ME3: variants seen among roughly 807,000 people sequenced by gnomAD.
ME3 encodes the protein malic enzyme 3, also known as NADP-dependent malic enzyme, mitochondrial.
A neutral mutation model predicts 68.9 loss-of-function variants in ME3; 48 were observed. The observed-to-expected ratio is 0.70, with a 90% CI of 0.55 to 0.89. ME3 has a LOEUF of 0.89. ME3 is among the 40% of genes least tolerant of loss of function. The pLI, the probability that ME3 is intolerant of heterozygous loss-of-function variation, is 0.00. For missense variants in ME3, 675 were observed against 797.4 expected (o/e 0.85, Z 1.85); for synonymous variants, 320 against 318.8 (o/e 1.00, Z -0.04).
At chr11:86,532,569 A>C (rs960221574) in intron 4 of ME3, among the ~76,000 whole-genome samples, 6 of 152,214 alleles carry the variant, frequency 3.9e-5, no homozygotes, top group African/African-American at 1.4e-4. Context: ...TAACAGGAGG[A>C]ATTTTGGAAA....
At chr11:86,574,399 G>GAGT (rs570327505) in intron 2 of ME3, among the ~76,000 whole-genome samples, 40,723 of 76,946 alleles carry the variant, frequency 0.53, 8,656 homozygotes, top group East Asian at 0.65. Context: ...TTTGTTGCCG[G>GAGT]GGGGGGGGGG....
intron 3 of ME3, among the ~76,000 whole-genome samples, chr11:86,558,913 G>T (rs977767264): frequency 1.3e-5 from 2 of 152,150 alleles, no homozygotes; most frequent in Non-Finnish European, 2.9e-5. Flanking sequence ...GTAGAATATA[G>T]ATTTGAACTC....
chr11:86,518,862 G>C (rs1452616950), intron 4 of ME3, among the ~76,000 whole-genome samples: 1 of 152,172 alleles, frequency 6.6e-6, no homozygotes, highest in Non-Finnish European at 1.5e-5. Context: ...GGAAGAAATA[G>C]CCAAGGGATG....
chr11:86,455,257 C>T (rs1474187202), intron 8 of ME3, among the ~76,000 whole-genome samples: 2 of 152,242 alleles, frequency 1.3e-5, no homozygotes, highest in Non-Finnish European at 2.9e-5. Flanking sequence ...ATGATCCCTG[C>T]CATCAGAGAA....
rs959549391 is a variant in ME3 at position 86,520,530 on chromosome 11, C to T, written c.468-11663G>A. On this transcript the variant is annotated intron_variant, in intron 4 of 14. Transcript: ENST00000543262. ...AGACCAACGAGAATTAGAGAACAAGCGGGCCCAGAATGGCTAATTCACAGA... is the reference window on the plus strand; with the variant it reads ...AGACCAACGAGAATTAGAGAACAAGTGGGCCCAGAATGGCTAATTCACAGA... 1.4e-4 allele frequency among the ~76,000 whole-genome samples: 19 copies of T among 138,558 alleles called. 1 individual carries two copies. The highest frequency in any genetic ancestry group is 4.2e-4 in the African/African-American group (15 of 36,056). The allele number at this position is 138,558 out of a possible 152,430, so 90.9% of individuals were successfully genotyped here. A position where few individuals can be genotyped will look rare whatever the true frequency, so the allele number is the denominator to read the frequency against.
In ME3 at chr11:86,602,509, C is replaced by T. The variant is rs1366983358; in HGVS notation, c.184-42686G>A. The stretch of plus-strand genomic sequence containing the variant: ...GCTCATGGGTAGGAAGAATCAATAT[C>T]GTGAAAATGGCCATACTGCCCAAGG... On this transcript the variant is annotated intron_variant, in intron 2 of 14. Transcript: ENST00000543262. Among the ~76,000 whole-genome samples, 13 of 152,052 alleles carry T rather than the reference C, an allele frequency of 8.5e-5. 1 individual carries two copies. The highest frequency in any genetic ancestry group is 5.8e-4 in the East Asian group (3 of 5,164).
intron 6 of ME3, among the ~76,000 whole-genome samples, chr11:86,494,349 A>C (rs528069495): frequency 2.0e-4 from 31 of 152,232 alleles, no homozygotes; most frequent in Non-Finnish European, 4.3e-4. Flanking sequence ...GGAGCAGTGC[A>C]CCACAGTGGG....
At chr11:86,597,203 G>C (rs1959634115) in intron 2 of ME3, among the ~76,000 whole-genome samples, 2 of 152,248 alleles carry the variant, frequency 1.3e-5, no homozygotes, top group African/African-American at 4.8e-5. Context: ...GCAGGGATGT[G>C]GTCGCAGGGG....
intron 2 of ME3, among the ~76,000 whole-genome samples, chr11:86,592,102 G>A (rs1297520529): frequency 1.3e-5 from 2 of 152,168 alleles, no homozygotes; most frequent in Non-Finnish European, 2.9e-5. Flanking sequence ...TGAGAACTGG[G>A]ACCACATTCT....
chr11:86,542,851 G>A (rs1956132225), intron 4 of ME3, among the ~76,000 whole-genome samples: 1 of 152,126 alleles, frequency 6.6e-6, no homozygotes, highest in Admixed American at 6.5e-5. Flanking sequence ...ACACATAATT[G>A]TCAGATTCAC....
At chr11:86,651,242 A>C (rs1166111665) in intron 2 of ME3, among the ~76,000 whole-genome samples, 1 of 152,226 alleles carries the variant, frequency 6.6e-6, no homozygotes, top group Non-Finnish European at 1.5e-5. Context: ...CTTGGAAGAC[A>C]GTAGTGGTTC....
At chr11:86,648,276 T>G (rs1166423200) in intron 2 of ME3, among the ~76,000 whole-genome samples, 1 of 152,150 alleles carries the variant, frequency 6.6e-6, no homozygotes, top group Non-Finnish European at 1.5e-5. Context: ...GAGGGGAGTT[T>G]ACAGAACAAA....
chr11:86,645,597 G>A (rs1469765138), intron 2 of ME3, among the ~76,000 whole-genome samples: 1 of 152,182 alleles, frequency 6.6e-6, no homozygotes, highest in Non-Finnish European at 1.5e-5. Context: ...CAGAGCACCT[G>A]GGGGAAAGGG....
intron 8 of ME3, among the ~76,000 whole-genome samples, chr11:86,458,120 C>T (rs968137450): frequency 5.3e-5 from 8 of 152,198 alleles, no homozygotes; most frequent in Admixed American, 3.3e-4. Flanking sequence ...CCTGCTTCCA[C>T]GATCCATAAG....
At chr11:86,537,858 C>A (rs1471587885) in intron 4 of ME3, among the ~76,000 whole-genome samples, 1 of 152,148 alleles carries the variant, frequency 6.6e-6, no homozygotes, top group Non-Finnish European at 1.5e-5. Flanking sequence ...CATTAAACAT[C>A]CTGACACCTA....
chr11:86,559,887 G>A (rs925330682), intron 2 of ME3, 64 bp from the exon 3 acceptor site: 37 of 1,550,244 alleles, frequency 2.4e-5, no homozygotes, highest in South Asian at 4.9e-5. Flanking sequence ...AGGAACAGAA[G>A]GGGTCCCACC....
At chr11:86,482,852 A>G (rs2138891274) in intron 7 of ME3, among the ~76,000 whole-genome samples, 1 of 152,240 alleles carries the variant, frequency 6.6e-6, no homozygotes, top group South Asian at 2.1e-4. Flanking sequence ...AGCCAGCTGA[A>G]AGCAGCCATA....
chr11:86,671,170 G>A (rs1946911859), intron 2 of ME3, among the ~76,000 whole-genome samples: 1 of 152,152 alleles, frequency 6.6e-6, no homozygotes, highest in Non-Finnish European at 1.5e-5. Flanking sequence ...CTTGTTTTTT[G>A]TAAAAGAAGA....
chr11:86,585,713 A>T (rs1342749548), intron 2 of ME3, among the ~76,000 whole-genome samples: 2 of 152,190 alleles, frequency 1.3e-5, no homozygotes, highest in Non-Finnish European at 2.9e-5. Context: ...GAGCAAAAAG[A>T]TGGCAATTGA....
Sources: gnomAD v4.1 joint callset for allele counts (sites outside exome capture counted in the v4.1 genomes callset) on GRCh38, gnomAD v4.1.1 for gene constraint, MANE v1.5 for transcripts, NCBI Gene and HGNC (gene_info 2026-07-23, HGNC 2026-07-21) for gene names.